Variants in ATG16L2 observed in about 807,000 individuals in gnomAD.
ATG16L2 encodes autophagy related 16 like 2, also known as protein Atg16l2.
ATG16L2 carries 77 observed loss-of-function variants against 84.7 expected under a neutral mutation model. That is an observed-to-expected ratio of 0.91 (90% CI 0.76 to 1.10). ATG16L2 has a LOEUF of 1.10. Ranked by LOEUF, ATG16L2 falls within the 50% of genes least tolerant of loss-of-function variation. ATG16L2 has a pLI of 0.00. For synonymous variants in ATG16L2, 361 were observed against 342.8 expected (o/e 1.05, Z -0.59); for missense variants, 782 against 817.6 (o/e 0.96, Z 0.53).
At chr11:72,824,434 C>T (rs988483018) in intron 8 of ATG16L2, 2 of 562,396 alleles carry the variant, frequency 3.6e-6, no homozygotes, top group African/African-American at 3.8e-5. Context: ...GTCAGGGACT[C>T]ATTCAGAGTC....
At chr11:72,824,628 G>A (rs1002495610) in intron 8 of ATG16L2, 106 bp from the exon 9 acceptor site, 12 of 832,032 alleles carry the variant, frequency 1.4e-5, no homozygotes, top group African/African-American at 3.4e-5. Flanking sequence ...ATGTTCTGCC[G>A]CCTGCCATGT....
chr11:72,821,869 G>A, intron 4 of ATG16L2, 128 bp downstream of exon 4: 1 of 1,430,476 alleles, frequency 7.0e-7, no homozygotes, highest in South Asian at 1.4e-5. Flanking sequence ...CCATCGGTTG[G>A]TGCCAGAGGA....
At chr11:72,826,086 G>A in intron 10 of ATG16L2, 87 bp from the exon 11 acceptor site, 2 of 1,114,940 alleles carry the variant, frequency 1.8e-6, no homozygotes, top group Non-Finnish European at 2.6e-6. Context: ...GGTGGGGCGG[G>A]AACTGATCTT....
At chr11:72,823,575 T>C (rs1283009246) in intron 7 of ATG16L2, 1 of 426,124 alleles carries the variant, frequency 2.3e-6, no homozygotes. Flanking sequence ...TGTCCAGGCC[T>C]TGGGGCAGTG....
exon 6 of ATG16L2, chr11:72,842,703 C>A (rs147782509): frequency 1.2e-6 from 2 of 1,614,018 alleles, no homozygotes; most frequent in Non-Finnish European, 1.7e-6. Context: ...AACTCCAATA[C>A]GCCCATTGAA....
At chr11:72,816,967 G>A (rs1310837974) in intron 2 of ATG16L2, 140 bp downstream of exon 2, 1 of 584,742 alleles carries the variant, frequency 1.7e-6, no homozygotes, top group East Asian at 2.9e-5. Context: ...TGGTGGAGGT[G>A]GTGGGGGTGG....
intron 7 of ATG16L2, chr11:72,823,434 C>G: frequency 2.8e-6 from 1 of 355,284 alleles, no homozygotes; most frequent in Non-Finnish European, 5.6e-6. Context: ...CTGATTGGGG[C>G]TTCAGACCTT....
intron 3 of ATG16L2, among the ~76,000 whole-genome samples, chr11:72,819,696 T>C (rs1054606038): frequency 3.8e-4 from 58 of 152,070 alleles, no homozygotes; most frequent in African/African-American, 1.3e-3. Context: ...CACCAGCCAG[T>C]ACCCATTGGA....
chr11:72,827,030 GA>G, intron 13 of ATG16L2, 157 bp from the exon 14 acceptor site: 2 of 840,194 alleles, frequency 2.4e-6, no homozygotes, highest in Non-Finnish European at 3.7e-6. Context: ...CTGTGGGTAG[GA>G]AAAAGACGTG....
chr11:72,835,376 G>A (rs1860703646), intron 5 of ATG16L2, among the ~76,000 whole-genome samples: 1 of 151,934 alleles, frequency 6.6e-6, no homozygotes, highest in Non-Finnish European at 1.5e-5. Context: ...CTGAGAAGAG[G>A]CAGGAGAGGT....
downstream of ATG16L2, among the ~76,000 whole-genome samples, chr11:72,830,343 G>T (rs1293758285): frequency 6.6e-6 from 1 of 152,126 alleles, no homozygotes; most frequent in African/African-American, 2.4e-5. Context: ...CCCTGCAAGT[G>T]ACCCGTTCCT....
intron 13 of ATG16L2, 169 bp downstream of exon 13, chr11:72,826,992 T>TTCTG: frequency 1.1e-6 from 1 of 923,170 alleles, no homozygotes; most frequent in Non-Finnish European, 1.6e-6. Context: ...CAGTGGTGTT[T>TTCTG]TCTGTCTGGT....
At chr11:72,826,138 C>T (rs759212308) in intron 10 of ATG16L2, 35 bp from the exon 11 acceptor site, 1 of 1,578,090 alleles carries the variant, frequency 6.3e-7, no homozygotes, top group Admixed American at 1.7e-5. Context: ...AGGTTAAGAC[C>T]TCATTTCAAC....
intron 1 of ATG16L2, 90 bp downstream of exon 1, chr11:72,814,653 A>G: frequency 9.2e-7 from 1 of 1,088,338 alleles, no homozygotes; most frequent in South Asian, 1.6e-5. Context: ...TCCGCCTGTG[A>G]CCCGAGTGCG....
chr11:72,822,677 C>A lies in ATG16L2; in HGVS notation c.710+134C>A. On this transcript the variant is annotated intron_variant, in intron 6 of 17. Coordinates refer to ENST00000321297, the MANE Select transcript of ATG16L2 (RefSeq NM_033388.2). The surrounding 1 kb of genome is among the most constrained non-coding windows in gnomAD (Gnocchi z 4.2). The stretch of plus-strand genomic sequence containing the variant: ...CCCCATGTGGTCGGAGCCCACGAGA[C>A]ACCTGCAGAGGACCGTGTGGTCGTA... The A allele has an allele frequency of 1.6e-6, 2 of 1,234,420 alleles. No homozygotes were observed. Among genetic ancestry groups the A allele is most frequent in the Non-Finnish European group, 2.3e-6 (2 of 883,204 alleles). The allele number at this position is 1,234,420 out of a possible 1,614,324, so 76.5% of individuals were successfully genotyped here. A position where few individuals can be genotyped will look rare whatever the true frequency, so the allele number is the denominator to read the frequency against.
intron 9 of ATG16L2, among the ~76,000 whole-genome samples, chr11:72,825,043 G>GA (rs1272955512): frequency 1.3e-5 from 2 of 152,164 alleles, no homozygotes; most frequent in Admixed American, 1.3e-4. Context: ...GGGAGGGAGA[G>GA]AGAGGAGGCT....
intron 13 of ATG16L2, 115 bp from the exon 14 acceptor site, chr11:72,827,073 G>A: frequency 2.2e-6 from 2 of 905,362 alleles, no homozygotes; most frequent in South Asian, 1.6e-5. Context: ...CGGAAGACCT[G>A]GGTTCTAGTC....
rs781444879 is a variant in ATG16L2 at position 72,814,576 on chromosome 11, C to A, written c.118+13C>A. 19 of 1,559,960 alleles carry A rather than the reference C, an allele frequency of 1.2e-5. No individual in the cohort carries two copies. Among genetic ancestry groups the A allele is most frequent in the Non-Finnish European group, 1.5e-5 (17 of 1,149,178 alleles). On this transcript the variant is annotated intron_variant, in intron 1 of 17. Transcript: ENST00000321297. Reference sequence around the variant, plus strand: ...CTGGTGCCGGCCTGTGAGTGCGCCCCGGTGCTGAGAGGATGGCGGCTGAGG... The same window carrying A: ...CTGGTGCCGGCCTGTGAGTGCGCCCAGGTGCTGAGAGGATGGCGGCTGAGG...
intron 14 of ATG16L2, among the ~76,000 whole-genome samples, chr11:72,828,135 G>C (rs563451221): frequency 1.3e-5 from 2 of 150,248 alleles, no homozygotes; most frequent in African/African-American, 4.9e-5. Flanking sequence ...GGTTTCAAAG[G>C]CTCCAGCTTT....
Sources: allele counts gnomAD v4.1 joint callset (sites outside exome capture counted in the v4.1 genomes callset), GRCh38; gene constraint gnomAD v4.1.1; non-coding constraint Gnocchi (gnomAD v3.1); transcripts MANE v1.5; gene names NCBI Gene and HGNC (gene_info 2026-07-23, HGNC 2026-07-21).